The following EPS8 variants were observed in gnomAD, a reference collection of about 807,000 sequenced individuals.
The protein encoded by EPS8 is epidermal growth factor receptor kinase substrate 8.
EPS8 carries 42 observed loss-of-function variants against 103.8 expected under a neutral mutation model. That is an observed-to-expected ratio of 0.40 (90% CI 0.32 to 0.52). The LOEUF (loss-of-function observed/expected upper bound fraction) is 0.52, where lower values mean the gene tolerates loss of function less well. Among genes scored for constraint, EPS8 ranks in the 20% least tolerant of loss-of-function variants. EPS8 has a pLI of 0.40. For missense variants in EPS8, 969 were observed against 1,005.1 expected (o/e 0.96, Z 0.49); for synonymous variants, 344 against 344.6 (o/e 1.00, Z 0.02).
intron 1 of EPS8, among the ~76,000 whole-genome samples, chr12:15,726,391 A>G (rs945147203): frequency 3.9e-5 from 6 of 152,312 alleles, no homozygotes; most frequent in Middle Eastern, 3.4e-3. Flanking sequence ...AAAATCTTAA[A>G]AACAAATCCC....
At chr12:15,718,851 C>T (rs988234670) in intron 1 of EPS8, among the ~76,000 whole-genome samples, 7 of 151,908 alleles carry the variant, frequency 4.6e-5, no homozygotes, top group South Asian at 2.1e-4. Flanking sequence ...TGAGTGCTTC[C>T]GGGTTCTTAA....
At chr12:15,680,155 C>T (rs890779607) in intron 3 of EPS8, among the ~76,000 whole-genome samples, 17 of 152,126 alleles carry the variant, frequency 1.1e-4, no homozygotes, top group Admixed American at 8.5e-4. Context: ...GTATTAAATC[C>T]ATTTTATGAA....
intron 18 of EPS8, among the ~76,000 whole-genome samples, 166 bp downstream of exon 18, chr12:15,631,276 C>G (rs939628627): frequency 6.6e-6 from 1 of 152,108 alleles, no homozygotes; most frequent in Non-Finnish European, 1.5e-5. Context: ...TCCTGTTTCT[C>G]AGAACTACGT....
At chr12:15,678,804 C>G (rs1945953102) in intron 3 of EPS8, among the ~76,000 whole-genome samples, 1 of 150,702 alleles carries the variant, frequency 6.6e-6, no homozygotes, top group Non-Finnish European at 1.5e-5. Flanking sequence ...GTCCCTGCTA[C>G]TCTGGAGGCT....
At position 15,725,612 on chromosome 12, in the gene EPS8, C is replaced by T. The variant is rs1238688208; in HGVS notation, c.-21-42640G>A. 6.6e-6 allele frequency among the ~76,000 whole-genome samples: 1 copy of T among 152,138 alleles called. No homozygotes were observed. Among genetic ancestry groups the T allele is most frequent in the African/African-American group, 2.4e-5 (1 of 41,412 alleles). ...AAAATACGGTGACACAATGGGTCTT[C>T]ATCATATGGTGATTCACTCACCACC... On this transcript the variant is annotated intron_variant, in intron 1 of 20. Transcript: ENST00000281172. This position sits in a 1 kb window ranked among gnomAD's most constrained non-coding sequence, Gnocchi z 4.5.
At chr12:15,726,730 ATTAG>A (rs1946657640) in intron 1 of EPS8, among the ~76,000 whole-genome samples, 1 of 152,226 alleles carries the variant, frequency 6.6e-6, no homozygotes, top group African/African-American at 2.4e-5. Context: ...TGAGCTGGTA[ATTAG>A]TTAATCTGTT....
At chr12:15,671,808 C>A (rs1335438229) in intron 3 of EPS8, 1 of 152,012 alleles carries the variant, frequency 6.6e-6, no homozygotes, top group Non-Finnish European at 1.5e-5. Context: ...CCAAAGTGAG[C>A]ACTATTTGTT....
At chr12:15,732,073 C>T (rs1000652310) in intron 1 of EPS8, among the ~76,000 whole-genome samples, 2 of 152,178 alleles carry the variant, frequency 1.3e-5, no homozygotes, top group African/African-American at 2.4e-5. Flanking sequence ...TTTCATAAAA[C>T]TCTAACCCTA....
chr12:15,652,555 G>T (rs913887061), intron 13 of EPS8, among the ~76,000 whole-genome samples: 1 of 151,758 alleles, frequency 6.6e-6, no homozygotes, highest in Non-Finnish European at 1.5e-5. Context: ...TATGTACCCT[G>T]AAAATATGTA....
chr12:15,770,149 C>T (rs1360495047), intron 1 of EPS8, among the ~76,000 whole-genome samples: 1 of 151,186 alleles, frequency 6.6e-6, no homozygotes, highest in Non-Finnish European at 1.5e-5. Context: ...ATGTTGCCCA[C>T]ATTGGTCTCA....
chr12:15,738,088 T>C lies in EPS8; in HGVS notation c.-22+51073A>G, dbSNP rs1016697237. On this transcript the variant is annotated intron_variant, in intron 1 of 20. Coordinates refer to ENST00000281172, the MANE Select transcript of EPS8 (RefSeq NM_004447.6). The surrounding 1 kb of genome is among the most constrained non-coding windows in gnomAD (Gnocchi z 6.2). ...TAATTTTGTATATAAACTACCGAAA[T>C]AGATATATTTCCTAGTGTTATTTTT... is the stretch of plus-strand genomic sequence containing the variant. 5.9e-5 allele frequency among the ~76,000 whole-genome samples: 9 copies of C among 152,172 alleles called. No homozygotes were observed. In the South Asian group the frequency reaches 1.4e-3, roughly 25 times the overall value.
At chr12:15,754,781 A>G (rs917863174) in intron 1 of EPS8, among the ~76,000 whole-genome samples, 5 of 152,230 alleles carry the variant, frequency 3.3e-5, no homozygotes, top group African/African-American at 1.2e-4. Context: ...TTAGAACAAC[A>G]ATATTAGCTC....
At chr12:15,640,428 T>C (rs1419856393) in intron 17 of EPS8, among the ~76,000 whole-genome samples, 1 of 152,096 alleles carries the variant, frequency 6.6e-6, no homozygotes, top group Non-Finnish European at 1.5e-5. Context: ...TCTTCAAATG[T>C]CAGAAATACT....
rs1239214056 is a variant in EPS8 at position 15,781,524 on chromosome 12, C to T, written c.-22+7637G>A. ...ATAAAGAAGCATGCCTTAAAGGGCT[C>T]TTGTAACAGTGAAAGAAGATAATGT... On this transcript the variant is annotated intron_variant, in intron 1 of 20. Coordinates refer to ENST00000281172, the MANE Select transcript of EPS8 (RefSeq NM_004447.6). The surrounding 1 kb of genome is among the most constrained non-coding windows in gnomAD (Gnocchi z 4.1). Among the ~76,000 whole-genome samples the T allele has an allele frequency of 1.3e-5, 2 of 152,076 alleles. No individual in the cohort carries two copies. Among genetic ancestry groups the T allele is most frequent in the Non-Finnish European group, 2.9e-5 (2 of 68,014 alleles).
rs1947232277 is a variant in EPS8 at position 15,778,818 on chromosome 12, T to C, written c.-22+10343A>G. The stretch of plus-strand genomic sequence containing the variant: ...TACTTAAAGGTAGTGTTTTCATTTC[T>C]TCCATATATGAAAGAAACTATCAAA... On this transcript the variant is annotated intron_variant, in intron 1 of 20. Coordinates refer to ENST00000281172, the MANE Select transcript of EPS8 (RefSeq NM_004447.6). The surrounding 1 kb of genome is among the most constrained non-coding windows in gnomAD (Gnocchi z 4.5). 6.6e-6 allele frequency among the ~76,000 whole-genome samples: 1 copy of C among 152,238 alleles called. No homozygotes were observed. The highest frequency in any genetic ancestry group is 2.4e-5 in the African/African-American group (1 of 41,452).
In EPS8 at chr12:15,717,316, G is replaced by A. The variant is rs1056532035; in HGVS notation, c.-21-34344C>T. ...AAACAAAAAAAGGGAGCCAGGCACA[G>A]TGGTTCACACCTGTAATCCTAGCAC... On this transcript the variant is annotated intron_variant, in intron 1 of 20. Coordinates refer to ENST00000281172, the MANE Select transcript of EPS8 (RefSeq NM_004447.6). The surrounding 1 kb of genome is among the most constrained non-coding windows in gnomAD (Gnocchi z 4.3). Among the ~76,000 whole-genome samples the A allele has an allele frequency of 6.6e-6, 1 of 152,246 alleles. No homozygotes were observed. Among genetic ancestry groups the A allele is most frequent in the African/African-American group, 2.4e-5 (1 of 41,470 alleles).
rs1476389110 is a variant in EPS8, at chr12:15,781,282, A to G, written c.-22+7879T>C. 6.6e-6 allele frequency among the ~76,000 whole-genome samples: 1 copy of G among 152,192 alleles called. No homozygotes were observed. Among genetic ancestry groups the G allele is most frequent in the African/African-American group, 2.4e-5 (1 of 41,448 alleles). On this transcript the variant is annotated intron_variant, in intron 1 of 20. Transcript: ENST00000281172. The surrounding 1 kb of genome is among the most constrained non-coding windows in gnomAD (Gnocchi z 4.1). Reference sequence around the variant, plus strand: ...TCTTGTTTGGCACAGTAGTAATTTGAGCAAGTATATAGCACAGTATTAAAT... The same window carrying G: ...TCTTGTTTGGCACAGTAGTAATTTGGGCAAGTATATAGCACAGTATTAAAT...
intron 1 of EPS8, chr12:15,788,042 T>C (rs892006877): frequency 3.9e-5 from 6 of 152,046 alleles, no homozygotes; most frequent in African/African-American, 1.4e-4. Context: ...TCAATGAAAA[T>C]AAACTAGAGG....
In EPS8 at chr12:15,771,708, T is replaced by C. The variant is rs1947156214; in HGVS notation, c.-22+17453A>G. Among the ~76,000 whole-genome samples the C allele has an allele frequency of 6.6e-6, 1 of 151,450 alleles. No homozygotes were observed. The highest frequency in any genetic ancestry group is 2.4e-5 in the African/African-American group (1 of 41,198). ...TCCAGCCTGGGTAACAGAACAAGAC[T>C]GTCTCTTAAAAAAAAAAAGAAAAGA... On this transcript the variant is annotated intron_variant, in intron 1 of 20. Coordinates refer to ENST00000281172, the MANE Select transcript of EPS8 (RefSeq NM_004447.6). The surrounding 1 kb of genome is among the most constrained non-coding windows in gnomAD (Gnocchi z 4.6).
Sources: gnomAD v4.1 joint callset for allele counts (sites outside exome capture counted in the v4.1 genomes callset) on GRCh38, gnomAD v4.1.1 for gene constraint, Gnocchi (gnomAD v3.1) non-coding constraint, MANE v1.5 for transcripts, NCBI Gene and HGNC (gene_info 2026-07-23, HGNC 2026-07-21) for gene names.